The following NFASC variants were observed in gnomAD, a reference collection of about 807,000 sequenced individuals.
The protein encoded by NFASC is neurofascin homolog.
Under a neutral mutation model 147.5 loss-of-function variants are expected in NFASC, and 43 were observed. The observed-to-expected ratio is 0.29, with a 90% CI of 0.23 to 0.38. The LOEUF (loss-of-function observed/expected upper bound fraction) is 0.38, where lower values mean the gene tolerates loss of function less well. Among genes scored for constraint, NFASC ranks in the 10% least tolerant of loss-of-function variants. The probability of loss-of-function intolerance (pLI) is 1.00; values close to 1 mark genes in which losing one functional copy is unlikely to be tolerated. For missense variants in NFASC, 1,320 were observed against 1,689.0 expected, an observed-to-expected ratio of 0.78 and a Z score of 3.83; for synonymous variants, 622 against 665.5, an observed-to-expected ratio of 0.93 and a Z score of 1.01.
At chr1:204,867,049 T>A (rs1020242717) in intron 1 of NFASC, among the ~76,000 whole-genome samples, 5 of 152,162 alleles carry the variant, frequency 3.3e-5, no homozygotes, top group African/African-American at 1.2e-4. Flanking sequence ...AAAGCAGCAG[T>A]GTAGATGTTA....
At chr1:205,000,180 T>G (rs1457006814) in intron 25 of NFASC, 1 of 152,184 alleles carries the variant, frequency 6.6e-6, no homozygotes, top group Non-Finnish European at 1.5e-5. Context: ...AGAACAGGAT[T>G]CTTCTGGTGT....
rs2094323843 is a variant in NFASC, at chr1:204,954,477, C to T, written c.412+93C>T. The T allele has an allele frequency of 8.2e-7, 1 of 1,226,010 alleles. No individual in the cohort carries two copies. Among genetic ancestry groups the T allele is most frequent in the Non-Finnish European group, 1.1e-6 (1 of 877,792 alleles). The allele number at this position is 1,226,010 out of a possible 1,614,324, so 75.9% of individuals were successfully genotyped here. A position where few individuals can be genotyped will look rare whatever the true frequency, so the allele number is the denominator to read the frequency against. The stretch of plus-strand genomic sequence containing the variant: ...GCCATTCCAGAAGGGCTGCCCCTGC[C>T]CTTGGCCTGCAGTTGCCTTGGTGTT... On this transcript the variant is annotated intron_variant, in intron 6 of 29. Transcript: ENST00000339876. The surrounding 1 kb of genome is among the most constrained non-coding windows in gnomAD (Gnocchi z 5.7).
At chr1:204,902,836 C>T (rs2084946118) in intron 1 of NFASC, among the ~76,000 whole-genome samples, 1 of 152,170 alleles carries the variant, frequency 6.6e-6, no homozygotes, top group Non-Finnish European at 1.5e-5. Flanking sequence ...AGGCATGTGA[C>T]TGTCAAATGC....
chr1:205,021,882 T>A lies in NFASC; in HGVS notation c.*5343T>A, dbSNP rs1473782257. On this transcript the variant is annotated 3_prime_UTR_variant, in exon 30 of 30. Coordinates refer to ENST00000339876, the MANE Select transcript of NFASC (RefSeq NM_001005388.3). ...TGGGCCAGTGGAATAGGATAGCTGATTGGTGTTTGTTACTGTGAACCCTAG... is the reference window on the plus strand; with the variant it reads ...TGGGCCAGTGGAATAGGATAGCTGAATGGTGTTTGTTACTGTGAACCCTAG... The A allele has an allele frequency of 6.6e-6, 1 of 152,656 alleles. No homozygotes were observed. The highest frequency in any genetic ancestry group is 6.5e-5 in the Admixed American group (1 of 15,282). 9.5% of individuals were successfully genotyped at this position (152,656 alleles called of 1,614,324 possible).
At chr1:204,997,435 C>G in intron 25 of NFASC, 29 bp downstream of exon 25, 1 of 1,551,588 alleles carries the variant, frequency 6.4e-7, no homozygotes, top group Non-Finnish European at 8.7e-7. Context: ...GCTCCCCATC[C>G]CCTCCTGGCC....
chr1:204,884,192 G>T (rs148384322), intron 1 of NFASC, among the ~76,000 whole-genome samples: 1 of 152,130 alleles, frequency 6.6e-6, no homozygotes, highest in Non-Finnish European at 1.5e-5. Flanking sequence ...GGTGTGTGTG[G>T]AAGGACTGTG....
At chr1:204,850,732 T>C (rs2075607243) in intron 1 of NFASC, among the ~76,000 whole-genome samples, 2 of 152,256 alleles carry the variant, frequency 1.3e-5, no homozygotes, top group Non-Finnish European at 2.9e-5. Context: ...CTCCCAGCCA[T>C]GCTTCTGTAC....
At chr1:204,926,247 T>C (rs1009442744) in intron 2 of NFASC, among the ~76,000 whole-genome samples, 4 of 151,464 alleles carry the variant, frequency 2.6e-5, no homozygotes, top group African/African-American at 9.7e-5. Context: ...TTGGTTTTAT[T>C]AATAAACTTA....
intron 1 of NFASC, among the ~76,000 whole-genome samples, chr1:204,843,153 T>A (rs1675872178): frequency 6.6e-6 from 1 of 152,184 alleles, no homozygotes; most frequent in African/African-American, 2.4e-5. Flanking sequence ...CAAGAATCCT[T>A]TGTTTCTCAG....
At chr1:204,989,754 T>C (rs1052995559) in intron 23 of NFASC, 2 of 152,262 alleles carry the variant, frequency 1.3e-5, no homozygotes, top group African/African-American at 4.8e-5. Flanking sequence ...GAGTCATCTA[T>C]AAGAATATCT....
intron 1 of NFASC, among the ~76,000 whole-genome samples, chr1:204,880,442 G>A (rs1004394489): frequency 3.3e-5 from 5 of 152,036 alleles, no homozygotes; most frequent in Admixed American, 6.5e-5. Context: ...TGCAAGCTCC[G>A]CCTCCCAGGT....
At chr1:204,842,436 C>T (rs1029750673) in intron 1 of NFASC, among the ~76,000 whole-genome samples, 3 of 152,166 alleles carry the variant, frequency 2.0e-5, no homozygotes, top group African/African-American at 7.2e-5. Flanking sequence ...TTGTTGCTTT[C>T]TCCTCCTTTT....
intron 11 of NFASC, among the ~76,000 whole-genome samples, chr1:204,972,779 A>G (rs1026022767): frequency 6.6e-6 from 1 of 152,218 alleles, no homozygotes; most frequent in African/African-American, 2.4e-5. Flanking sequence ...ACACTTAAAT[A>G]TATGCACATT....
In NFASC at chr1:204,997,365, G is replaced by C. The variant is rs1486039393; in HGVS notation, c.2978G>C (p.Ser993Thr). 6.4e-7 allele frequency: 1 copy of C among 1,554,668 alleles called. No homozygotes were observed. The highest frequency in any genetic ancestry group is 2.4e-5 in the East Asian group (1 of 40,908). Residue 993 changes from serine (S) to threonine (T), a missense_variant, in exon 25 of 30, where the codon AGT becomes ACT. By Grantham distance (58) the Ser-to-Thr change is moderately conservative. Around this residue, in one of 3 missense-constraint regions of NFASC, gnomAD observed 172 missense variants for 165.8 expected, o/e 1.04. Coordinates refer to ENST00000339876, the MANE Select transcript of NFASC (RefSeq NM_001005388.3). Reference sequence around the variant, plus strand: ...GCTGCCGCCACCACCACCACGGAGAGTCCTCCCACCACCACCTCCGGGACT... The same window carrying C: ...GCTGCCGCCACCACCACCACGGAGACTCCTCCCACCACCACCTCCGGGACT... ...TTAAATTTTE[S>T]PPTTTSGTKI... is the part of the protein sequence containing the mutation.
intron 2 of NFASC, among the ~76,000 whole-genome samples, chr1:204,938,591 A>T (rs2093081354): frequency 6.6e-6 from 1 of 152,162 alleles, no homozygotes; most frequent in African/African-American, 2.4e-5. Flanking sequence ...CAGGCAGTCT[A>T]ACCATGCAGC....
At chr1:204,877,064 A>ATATTTATATATATATAATATATT (rs2079130800) in intron 1 of NFASC, among the ~76,000 whole-genome samples, 3 of 111,920 alleles carry the variant, frequency 2.7e-5, no homozygotes, top group African/African-American at 1.3e-4. Flanking sequence ...ATTTATTTAT[A>ATATTTATATATATATAATATATT]TATTTATATA....
intron 1 of NFASC, among the ~76,000 whole-genome samples, chr1:204,908,339 AT>A (rs1009166837): frequency 8.6e-5 from 13 of 151,582 alleles, no homozygotes; most frequent in South Asian, 4.2e-4. Context: ...GTGGTAGTAG[AT>A]TTTTTTTTCC....
intron 2 of NFASC, among the ~76,000 whole-genome samples, chr1:204,942,261 C>A (rs1268194607): frequency 6.6e-6 from 1 of 152,148 alleles, no homozygotes; most frequent in Non-Finnish European, 1.5e-5. Context: ...CTGGCAAATA[C>A]TAACGAGAGA....
intron 24 of NFASC, 148 bp downstream of exon 24, chr1:204,991,454 A>G: frequency 1.2e-6 from 1 of 856,520 alleles, no homozygotes; most frequent in Non-Finnish European, 1.9e-6. Context: ...CAGACTGTCA[A>G]GAGGGATGTG....
Sources: allele counts gnomAD v4.1 joint callset (sites outside exome capture counted in the v4.1 genomes callset), GRCh38; gene constraint gnomAD v4.1.1; regional missense constraint gnomAD v4.1.1; non-coding constraint Gnocchi (gnomAD v3.1); transcripts MANE v1.5; gene names NCBI Gene and HGNC (gene_info 2026-07-23, HGNC 2026-07-21).